The following ILDR2 variants were observed in gnomAD, a reference collection of about 807,000 sequenced individuals.
The protein encoded by ILDR2 is immunoglobulin-like domain-containing receptor 2.
ILDR2 carries 25 observed loss-of-function variants against 66.8 expected under a neutral mutation model. The ratio of observed to expected loss-of-function variants is 0.37; its 90% CI spans 0.27 to 0.52. The LOEUF is 0.52. Among genes scored for constraint, ILDR2 ranks in the 20% least tolerant of loss-of-function variants. The pLI is 0.88. For synonymous variants in ILDR2, 367 were observed against 357.2 expected (o/e 1.03, Z -0.31); for missense variants, 827 against 876.8 (o/e 0.94, Z 0.72).
At chr1:166,927,228 G>A (rs748727307) in intron 6 of ILDR2, 48 bp from the exon 7 acceptor site, 2 of 1,191,598 alleles carry the variant, frequency 1.7e-6, no homozygotes, top group East Asian at 2.3e-5. Context: ...AAAATATCAG[G>A]AGAAGGAGGC....
chr1:166,941,401 T>C (rs1419309347), intron 3 of ILDR2, among the ~76,000 whole-genome samples: 6 of 152,178 alleles, frequency 3.9e-5, no homozygotes, highest in African/African-American at 1.4e-4. Flanking sequence ...GCTTACGCAG[T>C]TCCCTAGGGT....
intron 3 of ILDR2, among the ~76,000 whole-genome samples, chr1:166,944,360 G>A (rs1391179431): frequency 1.3e-5 from 2 of 152,196 alleles, no homozygotes; most frequent in African/African-American, 4.8e-5. Flanking sequence ...GGGACAAGAT[G>A]TGTTCCCTTG....
chr1:166,939,541 G>C lies in ILDR2; in HGVS notation c.529C>G (p.Pro177Ala). The change falls in exon 4 of 10, where the codon CCC becomes GCC. Residue 177 changes from proline (P) to alanine (A), a missense_variant. This residue lies in a region of ILDR2 where 437 missense variants were observed against 523.2 expected (regional missense o/e 0.84). Coordinates refer to ENST00000271417, the MANE Select transcript of ILDR2 (RefSeq NM_199351.3). ...GRTGLLADLL[P>A]SFAVEIMPEW... ...GGCATAATCTCCACAGCAAAACTGG[G>C]CAAGAGATCAGCAAGCAGCCCTGTC... The C allele has an allele frequency of 6.2e-7, 1 of 1,613,990 alleles. No individual in the cohort carries two copies. The highest frequency in any genetic ancestry group is 8.5e-7 in the Non-Finnish European group (1 of 1,179,866).
At chr1:166,939,433 A>T in intron 4 of ILDR2, 81 bp downstream of exon 4, 1 of 1,136,708 alleles carries the variant, frequency 8.8e-7, no homozygotes, top group Non-Finnish European at 1.3e-6. Flanking sequence ...TAAAGTAAAG[A>T]AGCAATTAGC....
At chr1:166,945,170 C>T (rs756258602) in intron 3 of ILDR2, among the ~76,000 whole-genome samples, 3 of 152,184 alleles carry the variant, frequency 2.0e-5, no homozygotes, top group Non-Finnish European at 4.4e-5. Flanking sequence ...ATGTTTAACA[C>T]TTCTGAACTC....
At position 166,908,575 on chromosome 1, in the gene ILDR2, T is replaced by G. The variant is rs901938540; in HGVS notation, c.*10780A>C. On this transcript the variant is annotated 3_prime_UTR_variant, in exon 10 of 10. Coordinates refer to ENST00000271417, the MANE Select transcript of ILDR2 (RefSeq NM_199351.3). ...AAGGGAGAAGCACCTTGCCCAGCATTAAGTATTTTTCTTGAAACTGTCTGG... is the reference window on the plus strand; with the variant it reads ...AAGGGAGAAGCACCTTGCCCAGCATGAAGTATTTTTCTTGAAACTGTCTGG... The G allele has an allele frequency of 6.6e-5, 10 of 152,118 alleles. No homozygotes were observed. The highest frequency in any genetic ancestry group is 2.4e-4 in the African/African-American group (10 of 41,406). 9.4% of individuals were successfully genotyped at this position (152,118 alleles called of 1,614,324 possible).
At chr1:166,966,353 A>C (rs1434450775) in intron 1 of ILDR2, among the ~76,000 whole-genome samples, 1 of 152,236 alleles carries the variant, frequency 6.6e-6, no homozygotes, top group Non-Finnish European at 1.5e-5. Flanking sequence ...GGATTAGGGT[A>C]ACCAGATGTA....
intron 3 of ILDR2, 123 bp from the exon 4 acceptor site, chr1:166,939,693 TGAGAA>T: frequency 1.4e-6 from 1 of 712,310 alleles, no homozygotes; most frequent in Non-Finnish European, 2.5e-6. Context: ...CTTTGTGATA[TGAGAA>T]GCACATCACC....
In ILDR2 at chr1:166,908,300, A is replaced by C. The variant is rs1339207708; in HGVS notation, c.*11055T>G. On this transcript the variant is annotated 3_prime_UTR_variant, in exon 10 of 10. Transcript: ENST00000271417. Reference sequence around the variant, plus strand: ...GGTCCTTTTCCTGGTTTGCAGACAGATACCTTGCTGTATCCTCACATGGCA... The same window carrying C: ...GGTCCTTTTCCTGGTTTGCAGACAGCTACCTTGCTGTATCCTCACATGGCA... The C allele has an allele frequency of 6.6e-6, 1 of 152,250 alleles. No individual in the cohort carries two copies. Among genetic ancestry groups the C allele is most frequent in the African/African-American group, 2.4e-5 (1 of 41,454 alleles). The allele number at this position is 152,250 out of a possible 1,614,324, so 9.4% of individuals were successfully genotyped here.
chr1:166,903,491 T>G (rs1659294736), downstream of ILDR2, among the ~76,000 whole-genome samples: 1 of 152,218 alleles, frequency 6.6e-6, no homozygotes, highest in Non-Finnish European at 1.5e-5. Flanking sequence ...TCTGTTCACA[T>G]TGCTCTGGTG....
downstream of ILDR2, among the ~76,000 whole-genome samples, chr1:166,904,423 G>T (rs962967091): frequency 1.3e-5 from 2 of 151,956 alleles, no homozygotes; most frequent in Non-Finnish European, 2.9e-5. Context: ...GACACTCAAG[G>T]TTCCACACTT....
intron 3 of ILDR2, among the ~76,000 whole-genome samples, chr1:166,947,299 A>G (rs114231091): frequency 1.6e-3 from 240 of 152,330 alleles, no homozygotes; most frequent in African/African-American, 5.6e-3. Flanking sequence ...ATACAAAGAT[A>G]GCAAGAATGG....
chr1:166,957,727 C>T (rs1489915908), intron 2 of ILDR2, 42 bp downstream of exon 2: 3 of 1,522,466 alleles, frequency 2.0e-6, no homozygotes, highest in South Asian at 2.4e-5. Flanking sequence ...ATGAAACTAA[C>T]CTCCCTCCCA....
intron 3 of ILDR2, among the ~76,000 whole-genome samples, chr1:166,942,980 A>C (rs879587516): frequency 6.6e-6 from 1 of 152,226 alleles, no homozygotes; most frequent in Non-Finnish European, 1.5e-5. Context: ...GACATACATC[A>C]AGCTTCTCAT....
At chr1:166,932,662 G>A (rs964693606) in intron 6 of ILDR2, among the ~76,000 whole-genome samples, 1 of 152,094 alleles carries the variant, frequency 6.6e-6, no homozygotes, top group Non-Finnish European at 1.5e-5. Context: ...TTGAAGAATG[G>A]GAGAAGGAAC....
At chr1:166,899,535 A>C (rs1659227806) in intron 2 of ILDR2, among the ~76,000 whole-genome samples, 1 of 152,222 alleles carries the variant, frequency 6.6e-6, no homozygotes, top group Admixed American at 6.5e-5. Context: ...ATTGAGTGTA[A>C]TCTATTTCAC....
chr1:166,924,582 G>C (rs1660163515), intron 7 of ILDR2, among the ~76,000 whole-genome samples: 1 of 152,098 alleles, frequency 6.6e-6, no homozygotes, highest in African/African-American at 2.4e-5. Flanking sequence ...TTTTGTAAAG[G>C]GCCAGAGAGT....
chr1:166,975,142 G>A, intron 1 of ILDR2, 81 bp downstream of exon 1: 1 of 1,222,966 alleles, frequency 8.2e-7, no homozygotes, highest in South Asian at 1.2e-5. Flanking sequence ...GGAGGAAAAT[G>A]GGGGGGCGGG....
intron 3 of ILDR2, among the ~76,000 whole-genome samples, chr1:166,955,012 G>A (rs568977214): frequency 3.3e-5 from 5 of 152,206 alleles, no homozygotes; most frequent in African/African-American, 9.6e-5. Flanking sequence ...GCTAATTGTG[G>A]GCTCAATGAG....
Sources: gnomAD v4.1 joint callset for allele counts (sites outside exome capture counted in the v4.1 genomes callset) on GRCh38, gnomAD v4.1.1 for gene constraint, gnomAD v4.1.1 regional missense constraint, MANE v1.5 for transcripts, NCBI Gene and HGNC (gene_info 2026-07-23, HGNC 2026-07-21) for gene names.